The following BLTP3A variants were observed in gnomAD, a reference collection of about 807,000 sequenced individuals.
BLTP3A encodes ICBP90 binding protein 1.
the BLTP3A span, among the ~76,000 whole-genome samples, chr6:34,820,834 T>TTC: frequency 2.1e-5 from 3 of 140,494 alleles, no homozygotes; most frequent in Admixed American, 1.4e-4. Context: ...TTTTTTTTTT[T>TTC]AGAGATAGGG....
the BLTP3A span, among the ~76,000 whole-genome samples, chr6:34,794,263 AT>A: frequency 3.3e-5 from 5 of 152,166 alleles, no homozygotes; most frequent in Non-Finnish European, 7.3e-5. Context: ...TGATGTGTTG[AT>A]TTCACATTGC....
the BLTP3A span, among the ~76,000 whole-genome samples, chr6:34,794,357 GT>G: frequency 2.0e-5 from 3 of 149,654 alleles, no homozygotes; most frequent in Non-Finnish European, 4.4e-5. Flanking sequence ...AAAGGTTATT[GT>G]GTTACATGAA....
At chr6:34,808,517 G>A in the BLTP3A span, among the ~76,000 whole-genome samples, 5 of 151,970 alleles carry the variant, frequency 3.3e-5, no homozygotes, top group East Asian at 1.9e-4. Flanking sequence ...TATTGTCAGC[G>A]GTGAAAGAGG....
the BLTP3A span, chr6:34,876,977 GACTTCTAAAAAAAATTC>G: frequency 6.6e-6 from 1 of 152,590 alleles, no homozygotes; most frequent in African/African-American, 2.4e-5. Context: ...TAGTTCCTGT[GACTTCTAAAAAAAATTC>G]CTGTTAATGC....
chr6:34,848,316 T>G, the BLTP3A span, among the ~76,000 whole-genome samples: 1 of 151,216 alleles, frequency 6.6e-6, no homozygotes, highest in Non-Finnish European at 1.5e-5. Flanking sequence ...AATCAATCAA[T>G]CAATCAGGGC....
the BLTP3A span, chr6:34,836,408 G>T: frequency 6.7e-7 from 1 of 1,501,530 alleles, no homozygotes; most frequent in Non-Finnish European, 9.1e-7. Flanking sequence ...GCTCTGGGCA[G>T]AGCCTGGGGA....
chr6:34,825,011 A>C, the BLTP3A span, among the ~76,000 whole-genome samples: 1 of 152,202 alleles, frequency 6.6e-6, no homozygotes, highest in African/African-American at 2.4e-5. Context: ...GATCAAAAGA[A>C]GTCCATACTT....
chr6:34,829,199 C>T, the BLTP3A span, among the ~76,000 whole-genome samples: 1,290 of 152,224 alleles, frequency 8.5e-3, 20 homozygotes, highest in African/African-American at 0.027. Flanking sequence ...TGACCACAAT[C>T]AATTTTAGAA....
At chr6:34,864,360 G>T in the BLTP3A span, among the ~76,000 whole-genome samples, 3 of 152,198 alleles carry the variant, frequency 2.0e-5, no homozygotes, top group African/African-American at 7.2e-5. Flanking sequence ...TGGTGGACTT[G>T]TGGGTTTGGG....
the BLTP3A span, among the ~76,000 whole-genome samples, chr6:34,859,964 TATA>T: frequency 7.2e-5 from 11 of 152,134 alleles, no homozygotes; most frequent in African/African-American, 2.4e-4. Flanking sequence ...ATGGCATATA[TATA>T]ATATTATTTT....
chr6:34,838,856 G>C, the BLTP3A span, among the ~76,000 whole-genome samples: 4 of 152,122 alleles, frequency 2.6e-5, no homozygotes, highest in Admixed American at 1.3e-4. Flanking sequence ...CGGGAGGATC[G>C]CTTGGCAGAG....
At chr6:34,857,379 C>T in the BLTP3A span, 2 of 1,614,062 alleles carry the variant, frequency 1.2e-6, no homozygotes, top group African/African-American at 1.3e-5. Flanking sequence ...TCCTTTCCTG[C>T]AGTCGGAAAC....
At chr6:34,805,018 G>A in the BLTP3A span, among the ~76,000 whole-genome samples, 1 of 152,150 alleles carries the variant, frequency 6.6e-6, no homozygotes, top group East Asian at 1.9e-4. Flanking sequence ...TATAGGCCGG[G>A]CACAGTGGCT....
At chr6:34,837,678 C>CA in the BLTP3A span, among the ~76,000 whole-genome samples, 109 of 147,834 alleles carry the variant, frequency 7.4e-4, no homozygotes, top group East Asian at 8.7e-3. Context: ...GACCCTGTTT[C>CA]AAAAAAAAAA....
the BLTP3A span, among the ~76,000 whole-genome samples, chr6:34,827,541 C>A: frequency 2.0e-5 from 3 of 152,160 alleles, no homozygotes; most frequent in Admixed American, 2.0e-4. Context: ...AACACTACTA[C>A]TGAATGCAGT....
the BLTP3A span, chr6:34,835,393 G>A: frequency 4.8e-4 from 776 of 1,614,050 alleles, 1 homozygote; most frequent in Admixed American, 1.6e-3. Context: ...GATGAAGTAT[G>A]CAGAGTCACT....
the BLTP3A span, among the ~76,000 whole-genome samples, chr6:34,846,665 G>A: frequency 2.0e-5 from 3 of 152,016 alleles, no homozygotes; most frequent in Admixed American, 1.3e-4. Context: ...GTTTTTTGGT[G>A]GAGTCTTTAG....
chr6:34,867,122 C>G, the BLTP3A span: 1 of 1,258,188 alleles, frequency 7.9e-7, no homozygotes, highest in Non-Finnish European at 1.1e-6. Flanking sequence ...TCATGAATGT[C>G]ATAAGTATTT....
chr6:34,858,211 A>G, the BLTP3A span: 1 of 1,614,054 alleles, frequency 6.2e-7, no homozygotes, highest in Non-Finnish European at 8.5e-7. Flanking sequence ...GATTGCCACC[A>G]ATACACGTCA....
Sources: allele counts gnomAD v4.1 joint callset (sites outside exome capture counted in the v4.1 genomes callset), GRCh38; gene constraint gnomAD v4.1.1; transcripts MANE v1.5; gene names NCBI Gene and HGNC (gene_info 2026-07-23, HGNC 2026-07-21).